CAMKMT: variants seen among roughly 807,000 people sequenced by gnomAD.
The protein encoded by CAMKMT is calmodulin-lysine N-methyltransferase.
CAMKMT carries 53 observed loss-of-function variants against 48.0 expected under a neutral mutation model. The observed-to-expected ratio is 1.10, with a 90% CI of 0.89 to 1.39. CAMKMT has a LOEUF of 1.39. Among genes scored for constraint, CAMKMT ranks in the 40% most tolerant of loss-of-function variants. The pLI is 0.00. For missense variants in CAMKMT, 428 were observed against 402.7 expected (o/e 1.06, Z -0.54); for synonymous variants, 165 against 152.3 (o/e 1.08, Z -0.61).
intron 3 of CAMKMT, among the ~76,000 whole-genome samples, chr2:44,675,387 A>T (rs1427252797): frequency 2.6e-5 from 4 of 152,152 alleles, no homozygotes; most frequent in African/African-American, 9.7e-5. Flanking sequence ...CTTTGGTAGA[A>T]CTATTAAAGG....
At chr2:44,646,586 T>G (rs762607995) in intron 3 of CAMKMT, among the ~76,000 whole-genome samples, 16 of 152,172 alleles carry the variant, frequency 1.1e-4, no homozygotes, top group Non-Finnish European at 2.2e-4. Context: ...TCTGTGCACT[T>G]TATACTAAGG....
chr2:44,672,021 G>C (rs553730796), intron 3 of CAMKMT, among the ~76,000 whole-genome samples: 1 of 152,172 alleles, frequency 6.6e-6, no homozygotes, highest in African/African-American at 2.4e-5. Flanking sequence ...TGCCAAAATT[G>C]CTAGAGCTAA....
At chr2:44,536,329 T>A (rs1666771405) in intron 3 of CAMKMT, among the ~76,000 whole-genome samples, 1 of 144,356 alleles carries the variant, frequency 6.9e-6, no homozygotes, top group African/African-American at 2.5e-5. Flanking sequence ...AATACCAACT[T>A]TTTTTTTTTT....
chr2:44,450,300 T>C lies in CAMKMT; in HGVS notation c.376+59995T>C, dbSNP rs186199369. On this transcript the variant is annotated intron_variant, in intron 3 of 10. Transcript: ENST00000378494. ...TGAGCTGTCTTCCATGTGCCTTGAA[T>C]GGCATGTCAGTGGTCACTGTTTTTG... Among the ~76,000 whole-genome samples, 454 of 152,278 alleles carry C rather than the reference T, an allele frequency of 3.0e-3. 2 individuals carry two copies. Among genetic ancestry groups the C allele is most frequent in the Non-Finnish European group, 4.8e-3 (324 of 67,992 alleles).
At chr2:44,377,089 C>T (rs1558552098) in intron 2 of CAMKMT, among the ~76,000 whole-genome samples, 2 of 152,150 alleles carry the variant, frequency 1.3e-5, no homozygotes, top group Middle Eastern at 3.2e-3. Flanking sequence ...TCACTGAAGC[C>T]TTGACCTCCC....
At chr2:44,459,403 T>C (rs555820776) in intron 3 of CAMKMT, among the ~76,000 whole-genome samples, 1 of 152,294 alleles carries the variant, frequency 6.6e-6, no homozygotes, top group South Asian at 2.1e-4. Flanking sequence ...TTGTTATAGA[T>C]TGTTGTTTTT....
At chr2:44,476,607 G>A (rs867367869) in intron 3 of CAMKMT, among the ~76,000 whole-genome samples, 1 of 151,402 alleles carries the variant, frequency 6.6e-6, no homozygotes, top group Non-Finnish European at 1.5e-5. Flanking sequence ...AACTTTATAT[G>A]TTTGTGAGAT....
At chr2:44,501,524 A>G (rs1482274265) in intron 3 of CAMKMT, among the ~76,000 whole-genome samples, 2 of 152,170 alleles carry the variant, frequency 1.3e-5, no homozygotes, top group African/African-American at 2.4e-5. Flanking sequence ...TAAGTTGCCT[A>G]TCTCCTATCT....
chr2:44,445,249 G>A (rs1381560121), intron 3 of CAMKMT, among the ~76,000 whole-genome samples: 1 of 152,156 alleles, frequency 6.6e-6, no homozygotes, highest in African/African-American at 2.4e-5. Flanking sequence ...GCACCCATGA[G>A]TGGCACCTGT....
At chr2:44,411,242 G>T (rs1284278714) in intron 3 of CAMKMT, among the ~76,000 whole-genome samples, 1 of 152,140 alleles carries the variant, frequency 6.6e-6, no homozygotes, top group Non-Finnish European at 1.5e-5. Flanking sequence ...GTAATATTCT[G>T]GCTAGCTGAG....
chr2:44,403,416 A>T (rs1367442379), intron 3 of CAMKMT, among the ~76,000 whole-genome samples: 3 of 152,286 alleles, frequency 2.0e-5, no homozygotes, highest in Middle Eastern at 3.4e-3. Flanking sequence ...TAGTTGCACA[A>T]ATCTTTGGAA....
Position 44,704,488 on chromosome 2 carries a change from G to C in CAMKMT, c.437+145G>C, listed in dbSNP as rs530167188. The C allele has an allele frequency of 2.7e-5, 16 of 584,434 alleles. 1 individual carries two copies. In the South Asian group the frequency reaches 4.7e-4, roughly 17 times the overall value. 36.2% of individuals were successfully genotyped at this position (584,434 alleles called of 1,614,324 possible). On this transcript the variant is annotated intron_variant, in intron 4 of 10. Coordinates refer to ENST00000378494, the MANE Select transcript of CAMKMT (RefSeq NM_024766.5). ...AACAGGAAGAAAAGGAAAACAGAAAGAGGGGAAAAAGTTCACAGTGAACAC... is the reference window on the plus strand; with the variant it reads ...AACAGGAAGAAAAGGAAAACAGAAACAGGGGAAAAAGTTCACAGTGAACAC...
At chr2:44,730,037 G>A (rs1678997585) in intron 7 of CAMKMT, among the ~76,000 whole-genome samples, 1 of 152,208 alleles carries the variant, frequency 6.6e-6, no homozygotes, top group African/African-American at 2.4e-5. Context: ...TCCTTAATGA[G>A]AAGAGTGACC....
chr2:44,384,500 C>CTTTTTTTTTTTTTTTTT (rs141017634), intron 2 of CAMKMT, among the ~76,000 whole-genome samples: 5 of 95,856 alleles, frequency 5.2e-5, no homozygotes, highest in African/African-American at 1.4e-4. Flanking sequence ...AGCTATTTAT[C>CTTTTTTTTTTTTTTTTT]TTTTTTTTTT....
At chr2:44,482,103 A>G (rs1244912872) in intron 3 of CAMKMT, among the ~76,000 whole-genome samples, 1 of 152,106 alleles carries the variant, frequency 6.6e-6, no homozygotes, top group Non-Finnish European at 1.5e-5. Context: ...GGGGAATTTT[A>G]GGGCTTAGAG....
intron 3 of CAMKMT, among the ~76,000 whole-genome samples, chr2:44,631,268 G>C (rs1312281903): frequency 6.6e-6 from 1 of 152,150 alleles, no homozygotes; most frequent in South Asian, 2.1e-4. Context: ...TAAGGGGGAG[G>C]GATAGCATTG....
intron 3 of CAMKMT, among the ~76,000 whole-genome samples, chr2:44,401,545 T>G (rs1416384206): frequency 2.0e-5 from 3 of 151,222 alleles, no homozygotes; most frequent in African/African-American, 7.3e-5. Context: ...TGACAGAGAC[T>G]CTGTCTCAAA....
intron 3 of CAMKMT, among the ~76,000 whole-genome samples, chr2:44,616,068 T>TC: frequency 6.6e-6 from 1 of 152,266 alleles, no homozygotes; most frequent in East Asian, 1.9e-4. Flanking sequence ...ACACCTCTTC[T>TC]CCCCCGACCT....
rs1358949053 is a variant in CAMKMT, at chr2:44,657,095, C to T, written c.377-47188C>T. Among the ~76,000 whole-genome samples, 1 of 152,192 alleles carries T rather than the reference C, an allele frequency of 6.6e-6. No individual in the cohort carries two copies. The highest frequency in any genetic ancestry group is 1.5e-5 in the Non-Finnish European group (1 of 68,028). ...GATATCCTTCAGATATCTGAGGATA[C>T]AGGCAGTTGCTAATTTGTTCTAATG... On this transcript the variant is annotated intron_variant, in intron 3 of 10. Coordinates refer to ENST00000378494, the MANE Select transcript of CAMKMT (RefSeq NM_024766.5). This position sits in a 1 kb window ranked among gnomAD's most constrained non-coding sequence, Gnocchi z 4.3.
Sources: allele counts gnomAD v4.1 joint callset (sites outside exome capture counted in the v4.1 genomes callset), GRCh38; gene constraint gnomAD v4.1.1; non-coding constraint Gnocchi (gnomAD v3.1); transcripts MANE v1.5; gene names NCBI Gene and HGNC (gene_info 2026-07-23, HGNC 2026-07-21).